The following APOBEC3B variants were observed in gnomAD, a reference collection of about 807,000 sequenced individuals.
APOBEC3B encodes the protein apolipoprotein B mRNA editing enzyme catalytic subunit 3B.
APOBEC3B carries 29 observed loss-of-function variants against 53.4 expected under a neutral mutation model. That is an observed-to-expected ratio of 0.54 (90% confidence interval 0.40 to 0.74). APOBEC3B has a LOEUF of 0.74. Ranked by LOEUF, APOBEC3B falls within the 30% of genes least tolerant of loss-of-function variation. The pLI, the probability that APOBEC3B is intolerant of heterozygous loss-of-function variation, is 0.00. For missense variants in APOBEC3B, 347 were observed against 496.2 expected, an observed-to-expected ratio of 0.70 and a Z score of 2.86; for synonymous variants, 132 against 184.8, an observed-to-expected ratio of 0.71 and a Z score of 2.32.
rs949263945 is a variant in APOBEC3B, at chr22:38,984,565, A to C, written c.174+334A>C. On this transcript the variant is annotated intron_variant, in intron 2 of 7. Transcript: ENST00000333467. The stretch of plus-strand genomic sequence containing the variant: ...CTAAATACAGACATTTGTAAAATAT[A>C]GTTATAATGGTTCTGGAAAGGAGAG... Among the ~76,000 whole-genome samples, 11 of 148,854 alleles carry C rather than the reference A, an allele frequency of 7.4e-5. 1 individual carries two copies. The highest frequency in any genetic ancestry group is 2.7e-4 in the African/African-American group (11 of 40,924).
chr22:38,990,103 G>GCTGAGGGGGCCAGGAAAGA (rs1307271806), intron 5 of APOBEC3B, among the ~76,000 whole-genome samples: 1 of 149,178 alleles, frequency 6.7e-6, no homozygotes, highest in Non-Finnish European at 1.5e-5. Flanking sequence ...GCCAGGAAAG[G>GCTGAGGGGGCCAGGAAAGA]CTGAGGGGGC....
chr22:38,982,910 C>CG (rs1337145676), intron 1 of APOBEC3B, among the ~76,000 whole-genome samples: 2 of 148,570 alleles, frequency 1.3e-5, no homozygotes, highest in Non-Finnish European at 3.0e-5. Context: ...GGAGAGGGTG[C>CG]GGGGGTAGGA....
At chr22:38,984,923 A>T (rs1263009665) in intron 2 of APOBEC3B, among the ~76,000 whole-genome samples, 2 of 100,690 alleles carry the variant, frequency 2.0e-5, no homozygotes, top group Non-Finnish European at 1.8e-5. Flanking sequence ...TTTTTCCGAG[A>T]TGGAGTCTCG....
intron 5 of APOBEC3B, 151 bp downstream of exon 5, chr22:38,989,761 G>A: frequency 1.1e-6 from 1 of 886,888 alleles, no homozygotes; most frequent in Non-Finnish European, 1.6e-6. Context: ...GAGTTGGGGG[G>A]AGACTTTGGC....
At chr22:38,986,231 G>C in intron 3 of APOBEC3B, 67 bp from the exon 4 acceptor site, 2 of 1,588,082 alleles carry the variant, frequency 1.3e-6, no homozygotes, top group Non-Finnish European at 1.7e-6. Flanking sequence ...ACAGCCAGGA[G>C]ACCAGGCCTG....
At chr22:38,989,317 C>A in intron 4 of APOBEC3B, 140 bp from the exon 5 acceptor site, 1 of 733,722 alleles carries the variant, frequency 1.4e-6, no homozygotes, top group Non-Finnish European at 2.1e-6. Flanking sequence ...GTGGCCCCCA[C>A]AAAGGGAGTG....
At chr22:38,983,927 C>T (rs1923630054) in intron 1 of APOBEC3B, 148 bp from the exon 2 acceptor site, 1 of 1,007,658 alleles carries the variant, frequency 9.9e-7, no homozygotes, top group African/African-American at 1.6e-5. Flanking sequence ...CTCAGTCTTC[C>T]TGCCTGGGAA....
chr22:38,992,040 A>G lies in APOBEC3B; in HGVS notation c.1025A>G (p.Glu342Gly). 2.5e-6 allele frequency: 4 copies of G among 1,582,236 alleles called. No homozygotes were observed. Among genetic ancestry groups the G allele is most frequent in the Non-Finnish European group, 3.4e-6 (4 of 1,166,588 alleles). ...QVSIMTYDEF[E>G]YCWDTFVYRQ... ...CTCCCCTGTCCCTTTTCAGAGTTTG[A>G]GTACTGCTGGGACACCTTTGTGTAC... The change falls in exon 7 of 8, where the codon GAG becomes GGG. Residue 342 changes from glutamate to glycine, a missense_variant. Glu to Gly is a moderately conservative substitution (Grantham distance 98). Transcript: ENST00000333467.
At chr22:38,983,164 A>C (rs1202464518) in intron 1 of APOBEC3B, among the ~76,000 whole-genome samples, 2 of 148,078 alleles carry the variant, frequency 1.4e-5, no homozygotes, top group African/African-American at 4.9e-5. Context: ...TAAAAAACAT[A>C]CAAAAATTAG....
intron 5 of APOBEC3B, among the ~76,000 whole-genome samples, chr22:38,989,934 G>A (rs913760047): frequency 6.7e-6 from 1 of 148,932 alleles, no homozygotes; most frequent in African/African-American, 2.4e-5. Flanking sequence ...AGGCCAGGAT[G>A]TCCCTGTGCC....
chr22:38,988,688 T>TTCC, intron 4 of APOBEC3B, among the ~76,000 whole-genome samples: 1 of 1,260 alleles, frequency 7.9e-4, no homozygotes, highest in African/African-American at 5.4e-3. Context: ...TCTTTCTCTT[T>TTCC]CTTTCTTTCT....
intron 5 of APOBEC3B, among the ~76,000 whole-genome samples, 165 bp from the exon 6 acceptor site, chr22:38,991,167 T>A (rs1321629058): frequency 4.7e-5 from 7 of 148,596 alleles, no homozygotes; most frequent in Admixed American, 1.4e-4. Context: ...TTGCATAACA[T>A]CTGATATTTT....
rs1569040954 is a variant in APOBEC3B, at chr22:38,992,691, T to A, written c.*246T>A. 9.1e-7 allele frequency: 1 copy of A among 1,094,050 alleles called. No homozygotes were observed. The highest frequency in any genetic ancestry group is 1.3e-6 in the Non-Finnish European group (1 of 776,874). 67.8% of individuals were successfully genotyped at this position (1,094,050 alleles called of 1,614,324 possible). A position where few individuals can be genotyped will look rare whatever the true frequency, so the allele number is the denominator to read the frequency against. On this transcript the variant is annotated 3_prime_UTR_variant, in exon 8 of 8. Coordinates refer to ENST00000333467, the MANE Select transcript of APOBEC3B (RefSeq NM_004900.5). ...TTATGCTCAATATTCCCAGAATAGT[T>A]TTCAATGTATTAATGAAGTGATTAA...
intron 4 of APOBEC3B, 130 bp downstream of exon 4, chr22:38,986,542 C>A: frequency 9.0e-7 from 1 of 1,115,526 alleles, no homozygotes; most frequent in Non-Finnish European, 1.3e-6. Context: ...ACCACCTTCC[C>A]TTAACTCCTG....
chr22:38,992,333 C>A (rs1924043312), intron 7 of APOBEC3B, 98 bp from the exon 8 acceptor site: 1 of 1,541,916 alleles, frequency 6.5e-7, no homozygotes, highest in African/African-American at 1.4e-5. Context: ...CGCATCCCTC[C>A]CTCCTCTCCC....
chr22:38,984,403 T>G (rs1339703519), intron 2 of APOBEC3B, among the ~76,000 whole-genome samples, 172 bp downstream of exon 2: 1 of 148,334 alleles, frequency 6.7e-6, no homozygotes, highest in Non-Finnish European at 1.5e-5. Flanking sequence ...TAAGCAAACT[T>G]ACAGAAGCAG....
chr22:38,984,517 A>C (rs1233016485), intron 2 of APOBEC3B, among the ~76,000 whole-genome samples: 1 of 149,112 alleles, frequency 6.7e-6, no homozygotes, highest in African/African-American at 2.4e-5. Flanking sequence ...TTGCAGCTAC[A>C]TCAAAAGGAA....
chr22:38,984,052 C>T lies in APOBEC3B; in HGVS notation c.18-23C>T, dbSNP rs186448053. The T allele has an allele frequency of 4.2e-4, 658 of 1,569,650 alleles. 117 individuals are homozygous for T. In the East Asian group the frequency reaches 0.013, roughly 31 times the overall value. On this transcript the variant is annotated intron_variant, in intron 1 of 7. Coordinates refer to ENST00000333467, the MANE Select transcript of APOBEC3B (RefSeq NM_004900.5). ...TCCCGGGAGGGCTCCCTGCATGGGC[C>T]GGTTTCTCTCTTGTGCCTTCAGAAA...
intron 1 of APOBEC3B, among the ~76,000 whole-genome samples, chr22:38,982,801 G>A (rs866257710): frequency 6.7e-6 from 1 of 148,996 alleles, no homozygotes; most frequent in Non-Finnish European, 1.5e-5. Context: ...GAAACTGGGA[G>A]AATTGAACCA....
Sources: allele counts gnomAD v4.1 joint callset (sites outside exome capture counted in the v4.1 genomes callset), GRCh38; gene constraint gnomAD v4.1.1; transcripts MANE v1.5; gene names NCBI Gene and HGNC (gene_info 2026-07-23, HGNC 2026-07-21).